Variants in SVIL observed in about 807,000 individuals in gnomAD.
The protein encoded by SVIL is supervillin.
In SVIL, 101 loss-of-function variants were observed where a neutral mutation model predicts 240.4. The ratio of observed to expected loss-of-function variants is 0.42; its 90% CI spans 0.36 to 0.50. The LOEUF is 0.50. Ranked by LOEUF, SVIL falls within the 20% of genes least tolerant of loss-of-function variation. SVIL has a pLI of 0.01. For synonymous variants in SVIL, 999 were observed against 1,100.0 expected (o/e 0.91, Z 1.82); for missense variants, 2,512 against 2,818.7 (o/e 0.89, Z 2.46).
intron 1 of SVIL, among the ~76,000 whole-genome samples, chr10:29,623,246 T>C (rs192793729): frequency 2.3e-4 from 35 of 152,334 alleles, no homozygotes; most frequent in African/African-American, 8.4e-4. Flanking sequence ...ATCCACTTCC[T>C]CTGGTCCTGT....
Position 29,662,778 on chromosome 10 carries a change from TACAC to T in SVIL, c.-300-4714_-300-4711del, listed in dbSNP as rs3040508. 2.7e-5 allele frequency among the ~76,000 whole-genome samples: 4 copies of T among 149,454 alleles called. No individual in the cohort carries two copies. The South Asian group carries it at 6.3e-4, about 24-fold the overall frequency. ...GGCAGCAGGGATGTATGTGCGCGCG[TACAC>T]ACACACACACACACACACGGAACAC... is the stretch of plus-strand genomic sequence containing the variant. On this transcript the variant is annotated intron_variant, in intron 2 of 35. Transcript: ENST00000375400.
chr10:29,509,019 C>CTG (rs1949580594), intron 17 of SVIL, among the ~76,000 whole-genome samples: 2 of 152,208 alleles, frequency 1.3e-5, no homozygotes, highest in Non-Finnish European at 2.9e-5. Flanking sequence ...GTAACAGAGA[C>CTG]TGCTGCCAAA....
At chr10:29,473,782 TCC>T in intron 30 of SVIL, 54 bp downstream of exon 30, 1 of 1,610,084 alleles carries the variant, frequency 6.2e-7, no homozygotes, top group South Asian at 1.1e-5. Flanking sequence ...TGCCATCGGC[TCC>T]CAGGAGAGGA....
chr10:29,668,397 T>C (rs180757755), intron 2 of SVIL, among the ~76,000 whole-genome samples: 1 of 152,340 alleles, frequency 6.6e-6, no homozygotes, highest in East Asian at 1.9e-4. Flanking sequence ...ACTCAGCTAC[T>C]GCAATCCAAA....
Position 29,484,534 on chromosome 10 carries a change from A to C in SVIL, c.4955+122T>G, listed in dbSNP as rs1947209495. The C allele has an allele frequency of 1.3e-6, 1 of 765,798 alleles. No individual in the cohort carries two copies. The highest frequency in any genetic ancestry group is 2.0e-6 in the Non-Finnish European group (1 of 505,450). 47.4% of individuals were successfully genotyped at this position (765,798 alleles called of 1,614,324 possible). A position where few individuals can be genotyped will look rare whatever the true frequency, so the allele number is the denominator to read the frequency against. On this transcript the variant is annotated intron_variant, in intron 27 of 37. Coordinates refer to ENST00000355867, the MANE Select transcript of SVIL (RefSeq NM_021738.3). This position sits in a 1 kb window ranked among gnomAD's most constrained non-coding sequence, Gnocchi z 4.7. Reference sequence around the variant, plus strand: ...TTTGTGAATATTCACAGTCCACTGCATATAATCGTTTATGAAAACTGAACC... The same window carrying C: ...TTTGTGAATATTCACAGTCCACTGCCTATAATCGTTTATGAAAACTGAACC...
intron 2 of SVIL, among the ~76,000 whole-genome samples, chr10:29,658,746 C>A (rs982977125): frequency 9.9e-5 from 15 of 152,106 alleles, no homozygotes; most frequent in African/African-American, 2.7e-4. Flanking sequence ...ACAAGGAAGA[C>A]CCTGTCTTTA....
At chr10:29,691,214 T>A (rs1057087891) in intron 1 of SVIL, among the ~76,000 whole-genome samples, 3 of 144,036 alleles carry the variant, frequency 2.1e-5, no homozygotes, top group African/African-American at 7.9e-5. Context: ...AATGAATAAT[T>A]TTTTTTTTTT....
intron 2 of SVIL, among the ~76,000 whole-genome samples, chr10:29,664,707 C>CAT (rs1293952468): frequency 2.0e-5 from 3 of 151,840 alleles, no homozygotes; most frequent in Non-Finnish European, 2.9e-5. Context: ...CACACACACA[C>CAT]ATGCACACAT....
chr10:29,534,804 C>T (rs1951626608), intron 7 of SVIL, among the ~76,000 whole-genome samples: 2 of 152,156 alleles, frequency 1.3e-5, no homozygotes, highest in South Asian at 2.1e-4. Flanking sequence ...TTGCAAAGCA[C>T]GTGGCTTAGT....
At chr10:29,527,723 C>CA (rs1196329053) in intron 12 of SVIL, among the ~76,000 whole-genome samples, 1,358 of 135,244 alleles carry the variant, frequency 0.01, 30 homozygotes, top group African/African-American at 0.035. Context: ...CTGGGCCCAG[C>CA]CTTTTTTTTT....
intron 17 of SVIL, among the ~76,000 whole-genome samples, chr10:29,506,677 C>CTAGAGGGAAAGGACAGAGGCCT (rs1949324582): frequency 8.7e-6 from 1 of 114,980 alleles, no homozygotes; most frequent in Non-Finnish European, 1.9e-5. Flanking sequence ...GACAGAGGCC[C>CTAGAGGGAAAGGACAGAGGCCT]TATGAGGGAG....
At chr10:29,675,546 C>T (rs1960139319) in intron 2 of SVIL, among the ~76,000 whole-genome samples, 1 of 152,086 alleles carries the variant, frequency 6.6e-6, no homozygotes, top group Non-Finnish European at 1.5e-5. Context: ...GATGTTACTC[C>T]CACCCACACA....
rs570677322 is a variant in SVIL, at chr10:29,491,974, A to C, written c.4020-955T>G. On this transcript the variant is annotated intron_variant, in intron 21 of 37. Transcript: ENST00000355867. ...TGAAACAAATTGAGCAAACTGGAAT[A>C]TGCAAAGAATTTATCAGGAGCAGCT... is the stretch of plus-strand genomic sequence containing the variant. Among the ~76,000 whole-genome samples, 283 of 152,368 alleles carry C rather than the reference A, an allele frequency of 1.9e-3. 1 individual carries two copies. The highest frequency in any genetic ancestry group is 3.6e-3 in the Non-Finnish European group (246 of 68,030).
chr10:29,626,350 T>C (rs993551385), intron 1 of SVIL, among the ~76,000 whole-genome samples: 21 of 152,274 alleles, frequency 1.4e-4, no homozygotes, highest in African/African-American at 3.9e-4. Flanking sequence ...TACCATTCCA[T>C]TGGAACTTAA....
intron 2 of SVIL, among the ~76,000 whole-genome samples, chr10:29,678,717 T>C (rs7358069): frequency 0.27 from 41,064 of 152,176 alleles, 5,605 homozygotes; most frequent in East Asian, 0.37. Context: ...AACAAGCTTT[T>C]GTCCAAAATG....
intron 1 of SVIL, among the ~76,000 whole-genome samples, chr10:29,729,016 C>G (rs1964447867): frequency 6.6e-6 from 1 of 152,082 alleles, no homozygotes; most frequent in South Asian, 2.1e-4. Context: ...GAGAAAGCTG[C>G]CAAAGTCTGG....
At chr10:29,512,005 T>C (rs1444566094) in intron 17 of SVIL, among the ~76,000 whole-genome samples, 1 of 152,152 alleles carries the variant, frequency 6.6e-6, no homozygotes. Flanking sequence ...GACCAGGGAG[T>C]GTGTCACCGG....
In SVIL at chr10:29,571,378, G is replaced by A. The variant is rs141458319; in HGVS notation, c.-200-2066C>T. Among the ~76,000 whole-genome samples, 235 of 152,242 alleles carry A rather than the reference G, an allele frequency of 1.5e-3. 4 individuals are homozygous for A. The East Asian group carries it at 0.042, about 27-fold the overall frequency. ...ACAGTGCTGCAACCTAACCATCCTC[G>A]GAGGAGTCAGATACAACTTCCTCTC... is the stretch of plus-strand genomic sequence containing the variant. On this transcript the variant is annotated intron_variant, in intron 1 of 37. Coordinates refer to ENST00000355867, the MANE Select transcript of SVIL (RefSeq NM_021738.3).
In SVIL at chr10:29,487,286, C is replaced by T; in HGVS notation, c.4362G>A (p.Val1454=). 1 of 1,614,148 alleles carries T rather than the reference C, an allele frequency of 6.2e-7. No homozygotes were observed. Among genetic ancestry groups the T allele is most frequent in the African/African-American group, 1.3e-5 (1 of 75,052 alleles). ...MLLQIKGRRH[V]QTRLVEPRAS... ...CTCGAGGTTCCACCAGCCTGGTCTG[C>T]ACATGTCTTCTTCCTGAACACGAGG... Residue 1454 remains valine, a synonymous_variant, in exon 24 of 38, where the codon GTG becomes GTA. Coordinates refer to ENST00000355867, the MANE Select transcript of SVIL (RefSeq NM_021738.3).
Sources: gnomAD v4.1 joint callset for allele counts (sites outside exome capture counted in the v4.1 genomes callset) on GRCh38, gnomAD v4.1.1 for gene constraint, Gnocchi (gnomAD v3.1) non-coding constraint, MANE v1.5 for transcripts, NCBI Gene and HGNC (gene_info 2026-07-23, HGNC 2026-07-21) for gene names.